DNAH11: variants seen among roughly 807,000 people sequenced by gnomAD.
DNAH11 encodes dynein axonemal heavy chain 11, also known as axonemal beta dynein heavy chain 11.
In DNAH11, 442 loss-of-function variants were observed where a neutral mutation model predicts 526.0. The observed-to-expected ratio is 0.84, with a 90% CI of 0.78 to 0.91. The LOEUF (loss-of-function observed/expected upper bound fraction) is 0.91, where lower values mean the gene tolerates loss of function less well. DNAH11 is among the 40% of genes least tolerant of loss of function. The probability of loss-of-function intolerance (pLI) is 0.00; values close to 1 mark genes in which losing one functional copy is unlikely to be tolerated. For synonymous variants in DNAH11, 2,461 were observed against 1,935.9 expected, an observed-to-expected ratio of 1.27 and a Z score of -7.12; for missense variants, 6,989 against 5,448.7, an observed-to-expected ratio of 1.28 and a Z score of -8.90.
At chr7:21,717,661 A>T (rs532073813) in intron 42 of DNAH11, 114 bp from the exon 43 acceptor site, 3 of 1,256,128 alleles carry the variant, frequency 2.4e-6, no homozygotes, top group South Asian at 3.1e-5. Context: ...AACTCACTAA[A>T]CGTGTCCTTG....
chr7:21,574,368 G>T (rs1784005152), intron 8 of DNAH11, among the ~76,000 whole-genome samples: 1 of 152,132 alleles, frequency 6.6e-6, no homozygotes, highest in Non-Finnish European at 1.5e-5. Flanking sequence ...CAGGCGTTGT[G>T]CCAGAGATTT....
chr7:21,724,114 C>T (rs1784984489), intron 44 of DNAH11, among the ~76,000 whole-genome samples: 1 of 152,054 alleles, frequency 6.6e-6, no homozygotes, highest in Admixed American at 6.6e-5. Flanking sequence ...AATCATTTTG[C>T]CTATATGTAG....
intron 14 of DNAH11, among the ~76,000 whole-genome samples, chr7:21,596,047 TAAA>T (rs1462713279): frequency 6.6e-6 from 1 of 152,174 alleles, no homozygotes; most frequent in African/African-American, 2.4e-5. Context: ...GAGAAGAAAA[TAAA>T]AAGAAGTACA....
rs1307575374 is a variant in DNAH11, at chr7:21,786,759, A to G, written c.9733A>G (p.Met3245Val). Residue 3245 changes from methionine to valine, a missense_variant, in exon 59 of 82, where the codon ATG (methionine) becomes GTG (valine). Coordinates refer to ENST00000409508, the MANE Select transcript of DNAH11 (RefSeq NM_001277115.2). Reference protein sequence around the residue: ...DRSWKAAKVFMGKVDDFLQAL... With the variant: ...DRSWKAAKVFVGKVDDFLQAL... ...AAGTTGGAAAGCAGCTAAAGTCTTC[A>G]TGGGAAAGGTATCAGCCCAGCCTGG... 4 of 1,613,782 alleles carry G rather than the reference A, an allele frequency of 2.5e-6. No homozygotes were observed. The highest frequency in any genetic ancestry group is 1.7e-5 in the Admixed American group (1 of 60,018).
At position 21,741,836 on chromosome 7, in the gene DNAH11, G is replaced by A. The variant is rs1785912094; in HGVS notation, c.7915-91G>A. ...TAAAAAGCTACATGGTAATGGGCCT[G>A]GATACAGGGAGGAGTGAAAAAAAAT... is the stretch of plus-strand genomic sequence containing the variant. On this transcript the variant is annotated intron_variant, in intron 48 of 81. Transcript: ENST00000409508. The A allele has an allele frequency of 1.1e-5, 15 of 1,428,370 alleles. No homozygotes were observed. In the East Asian group the frequency reaches 3.3e-4, roughly 32 times the overall value. The allele number at this position is 1,428,370 out of a possible 1,614,324, so 88.5% of individuals were successfully genotyped here. A position where few individuals can be genotyped will look rare whatever the true frequency, so the allele number is the denominator to read the frequency against.
In DNAH11 at chr7:21,681,672, C is replaced by G. The variant is rs1435756369; in HGVS notation, c.5455C>G (p.Gln1819Glu). The G allele has an allele frequency of 2.5e-6, 4 of 1,613,734 alleles. No homozygotes were observed. Among genetic ancestry groups the G allele is most frequent in the African/African-American group, 1.3e-5 (1 of 74,912 alleles). The change falls in exon 31 of 82, where the codon CAG (glutamine) becomes GAG (glutamate). Residue 1819 changes from glutamine to glutamate, a missense_variant. Transcript: ENST00000409508. ...AGACGTGGTGGCAAAACTTATTTCT[C>G]AGAAGGCAAGTTGTTTGTAGAAATT... ...ARDVVAKLIS[Q>E]KVVSPQAFTW...
chr7:21,677,133 G>T (rs77175008), intron 30 of DNAH11, among the ~76,000 whole-genome samples: 2,388 of 151,008 alleles, frequency 0.016, 58 homozygotes, highest in African/African-American at 0.055. Flanking sequence ...TTTTAAAGAT[G>T]CAATGTATTA....
In DNAH11 at chr7:21,564,120, A is replaced by C; in HGVS notation, c.983-66A>C. The C allele has an allele frequency of 2.4e-6, 3 of 1,242,326 alleles. No individual in the cohort carries two copies. The South Asian group carries it at 4.9e-5, about 20-fold the overall frequency. 77.0% of individuals were successfully genotyped at this position (1,242,326 alleles called of 1,614,324 possible). A position where few individuals can be genotyped will look rare whatever the true frequency, so the allele number is the denominator to read the frequency against. The stretch of plus-strand genomic sequence containing the variant: ...TTTTACGTGGCTCTCTTCTACATGT[A>C]AAGTGAATTTAGAAAAAAAAAAAAA... On this transcript the variant is annotated intron_variant, in intron 5 of 81. Transcript: ENST00000409508.
intron 9 of DNAH11, 132 bp from the exon 10 acceptor site, chr7:21,587,932 T>A: frequency 2.6e-6 from 2 of 769,858 alleles, no homozygotes; most frequent in Non-Finnish European, 3.8e-6. Flanking sequence ...CATTTTACAT[T>A]TTGAAGCATC....
intron 68 of DNAH11, among the ~76,000 whole-genome samples, chr7:21,858,946 G>A (rs2128028740): frequency 6.6e-6 from 1 of 152,262 alleles, no homozygotes; most frequent in East Asian, 1.9e-4. Flanking sequence ...CCAAAAACCA[G>A]AATGCTCCAA....
chr7:21,708,770 T>A (rs1220783737), intron 40 of DNAH11, among the ~76,000 whole-genome samples: 1 of 152,194 alleles, frequency 6.6e-6, no homozygotes, highest in Non-Finnish European at 1.5e-5. Flanking sequence ...GCAACACTCT[T>A]CTGGATGCCC....
chr7:21,622,109 A>G (rs1454745001), intron 25 of DNAH11, among the ~76,000 whole-genome samples: 2 of 152,176 alleles, frequency 1.3e-5, no homozygotes, highest in Admixed American at 1.3e-4. Context: ...CTGATAAGCA[A>G]CTTCAGCAAA....
At chr7:21,788,229 A>G in intron 60 of DNAH11, among the ~76,000 whole-genome samples, 1 of 152,212 alleles carries the variant, frequency 6.6e-6, no homozygotes. Flanking sequence ...TTTTTGTCTT[A>G]GAGGGTTGTA....
rs1352256273 is a variant in DNAH11, at chr7:21,818,205, C to A, written c.10569-12C>A. 1.2e-6 allele frequency: 2 copies of A among 1,606,096 alleles called. No individual in the cohort carries two copies. Among genetic ancestry groups the A allele is most frequent in the Non-Finnish European group, 1.7e-6 (2 of 1,177,474 alleles). On this transcript the variant is annotated splice_polypyrimidine_tract_variant and intron_variant, in intron 64 of 81. Coordinates refer to ENST00000409508, the MANE Select transcript of DNAH11 (RefSeq NM_001277115.2). ...TTACATTTTATTATCTCAAATCCCACTGAATTTTAAGGTTTTTGAATGCCA... is the reference window on the plus strand; with the variant it reads ...TTACATTTTATTATCTCAAATCCCAATGAATTTTAAGGTTTTTGAATGCCA...
chr7:21,674,161 G>A (rs138298962), intron 30 of DNAH11, among the ~76,000 whole-genome samples: 9,483 of 151,530 alleles, frequency 0.063, 381 homozygotes, highest in Middle Eastern at 0.2. Context: ...CTGGGTTCAA[G>A]CAATTCTTCT....
intron 61 of DNAH11, among the ~76,000 whole-genome samples, chr7:21,795,319 A>G (rs1039712568): frequency 6.6e-5 from 10 of 152,150 alleles, no homozygotes; most frequent in Non-Finnish European, 1.5e-4. Flanking sequence ...ACTGAAAGCT[A>G]TTTGGGATCT....
intron 23 of DNAH11, among the ~76,000 whole-genome samples, chr7:21,618,624 A>AT (rs894704453): frequency 3.3e-4 from 50 of 151,930 alleles, no homozygotes; most frequent in African/African-American, 1.1e-3. Context: ...CTGTAAGACT[A>AT]TTTTTTTTGC....
At position 21,743,083 on chromosome 7, in the gene DNAH11, T is replaced by A. The variant is rs79301746; in HGVS notation, c.8154+917T>A. 5.6e-3 allele frequency among the ~76,000 whole-genome samples: 852 copies of A among 152,336 alleles called. 13 individuals are homozygous for A. Among genetic ancestry groups the A allele is most frequent in the African/African-American group, 0.019 (804 of 41,578 alleles). On this transcript the variant is annotated intron_variant, in intron 49 of 81. Coordinates refer to ENST00000409508, the MANE Select transcript of DNAH11 (RefSeq NM_001277115.2). ...ACAGTCACCTCCTAAAGGCCTCACC[T>A]CTTAATATTGTTACATGGGCAATTA...
chr7:21,892,582 C>A lies in DNAH11; in HGVS notation c.12665C>A (p.Ser4222Tyr), dbSNP rs1192235874. The part of the protein sequence containing the change: ...NAEIEFLTVT[S>Y]NTLFRTLLEM... ...GAAATAGAATTCCTGACAGTGACAT[C>A]CAACACTCTCTTCAGAACTTTGCTG... Residue 4222 changes from serine (S) to tyrosine (Y), a missense_variant, in exon 77 of 82, where the codon TCC becomes TAC. Ser to Tyr is a moderately radical substitution (Grantham distance 144). Coordinates refer to ENST00000409508, the MANE Select transcript of DNAH11 (RefSeq NM_001277115.2). 2 of 1,613,836 alleles carry A rather than the reference C, an allele frequency of 1.2e-6. No individual in the cohort carries two copies. Among genetic ancestry groups the A allele is most frequent in the Admixed American group, 1.7e-5 (1 of 59,990 alleles).
Sources: gnomAD v4.1 joint callset for allele counts (sites outside exome capture counted in the v4.1 genomes callset) on GRCh38, gnomAD v4.1.1 for gene constraint, MANE v1.5 for transcripts, NCBI Gene and HGNC (gene_info 2026-07-23, HGNC 2026-07-21) for gene names.